The following PTK2 variants were observed in gnomAD, a reference collection of about 807,000 sequenced individuals.
PTK2 encodes the protein focal adhesion kinase 1.
A neutral mutation model predicts 150.1 loss-of-function variants in PTK2; 45 were observed. The ratio of observed to expected loss-of-function variants is 0.30; its 90% CI spans 0.24 to 0.38. The LOEUF (loss-of-function observed/expected upper bound fraction) is 0.38. Ranked by LOEUF, PTK2 falls within the 10% of genes least tolerant of loss-of-function variation. The pLI, the probability that PTK2 is intolerant of heterozygous loss-of-function variation, is 1.00. For missense variants in PTK2, 919 were observed against 1,307.3 expected (o/e 0.70, Z 4.58); for synonymous variants, 432 against 449.2 (o/e 0.96, Z 0.48).
At chr8:140,964,546 AATTTTT>A (rs2100184549) in intron 1 of PTK2, among the ~76,000 whole-genome samples, 1 of 122,950 alleles carries the variant, frequency 8.1e-6, no homozygotes, top group African/African-American at 3.2e-5. Context: ...AGCCCCAGGT[AATTTTT>A]TTTTTTTTTT....
chr8:140,832,868 T>C (rs764080295), intron 7 of PTK2: 1 of 518,768 alleles, frequency 1.9e-6, no homozygotes, highest in East Asian at 5.4e-5. Flanking sequence ...AGAAGGCAAC[T>C]GGCCATGTTT....
intron 5 of PTK2, among the ~76,000 whole-genome samples, chr8:140,848,041 T>G (rs1028965808): frequency 6.6e-6 from 1 of 152,200 alleles, no homozygotes; most frequent in Non-Finnish European, 1.5e-5. Context: ...CATGTTTAGA[T>G]GAGCAGCTGG....
intron 2 of PTK2, among the ~76,000 whole-genome samples, chr8:140,914,157 C>T (rs1418170324): frequency 6.6e-6 from 1 of 152,062 alleles, no homozygotes; most frequent in Non-Finnish European, 1.5e-5. Flanking sequence ...AAATCCAACT[C>T]TAAAATTATG....
chr8:140,805,041 G>A (rs980255497), intron 10 of PTK2, among the ~76,000 whole-genome samples: 9 of 152,062 alleles, frequency 5.9e-5, no homozygotes, highest in African/African-American at 2.2e-4. Context: ...TGCTGGGTGG[G>A]CCCTGTTATT....
chr8:140,742,448 T>C (rs1233417811), intron 20 of PTK2, among the ~76,000 whole-genome samples: 3 of 152,220 alleles, frequency 2.0e-5, no homozygotes, highest in East Asian at 1.9e-4. Context: ...TTTAAAGAAT[T>C]TGCCAAACTT....
At position 140,686,735 on chromosome 8, in the gene PTK2, A is replaced by G. The variant is rs41272409; in HGVS notation, c.2500-41T>C. 5.0e-3 allele frequency: 7,773 copies of G among 1,552,466 alleles called. 32 individuals carry two copies. Among genetic ancestry groups the G allele is most frequent in the Non-Finnish European group, 5.8e-3 (6,594 of 1,128,236 alleles). Reference sequence around the variant, plus strand: ...CAAAATCAAAACAATTTCATTTTTGATTTGAAAATTTTTGACAGATTCTGT... The same window carrying G: ...CAAAATCAAAACAATTTCATTTTTGGTTTGAAAATTTTTGACAGATTCTGT... On this transcript the variant is annotated intron_variant, in intron 26 of 31. Coordinates refer to ENST00000522684, the Ensembl canonical transcript of PTK2.
chr8:140,857,441 T>C (rs777224612), intron 5 of PTK2, among the ~76,000 whole-genome samples: 23 of 152,214 alleles, frequency 1.5e-4, no homozygotes, highest in Non-Finnish European at 2.8e-4. Context: ...GGAAAGGCAA[T>C]TAAGCATCAT....
intron 26 of PTK2, among the ~76,000 whole-genome samples, chr8:140,699,646 C>T (rs548022902): frequency 7.2e-5 from 11 of 151,978 alleles, no homozygotes; most frequent in South Asian, 2.1e-4. Flanking sequence ...ATAGTTTATA[C>T]GTAAGCTGAC....
intron 7 of PTK2, among the ~76,000 whole-genome samples, chr8:140,844,914 A>G (rs1241483549): frequency 6.6e-6 from 1 of 152,176 alleles, no homozygotes; most frequent in African/African-American, 2.4e-5. Context: ...TTTCTCCTCA[A>G]GCACACTCCT....
chr8:140,816,354 A>AC (rs1191863828), intron 10 of PTK2, among the ~76,000 whole-genome samples: 4 of 152,356 alleles, frequency 2.6e-5, no homozygotes, highest in African/African-American at 7.2e-5. Flanking sequence ...TCAAAAAAAA[A>AC]GCACTTTCAC....
intron 2 of PTK2, among the ~76,000 whole-genome samples, chr8:140,920,297 T>C (rs2154608258): frequency 6.6e-6 from 1 of 152,276 alleles, no homozygotes; most frequent in East Asian, 1.9e-4. Context: ...TTTACATTTT[T>C]ATGTGAACAA....
intron 1 of PTK2, among the ~76,000 whole-genome samples, chr8:140,992,417 CTGAGAAAG>C (rs1168764752): frequency 6.6e-6 from 1 of 152,070 alleles, no homozygotes; most frequent in Non-Finnish European, 1.5e-5. Context: ...TTGCAGTGAG[CTGAGAAAG>C]TGCCACTGCA....
Position 140,895,703 on chromosome 8 carries a change from G to T in PTK2, c.-32-4934C>A, listed in dbSNP as rs187926170. Among the ~76,000 whole-genome samples, 6 of 152,108 alleles carry T rather than the reference G, an allele frequency of 3.9e-5. No individual in the cohort carries two copies. In the East Asian group the frequency reaches 1.2e-3, roughly 29 times the overall value. ...GTCAATAAAAATGTACATTTAAAAA[G>T]AACTAAGAGTATAATTAGAATGTTT... On this transcript the variant is annotated intron_variant, in intron 2 of 31. Transcript: ENST00000522684.
At chr8:140,856,752 A>T (rs1024038322) in intron 5 of PTK2, among the ~76,000 whole-genome samples, 1 of 152,166 alleles carries the variant, frequency 6.6e-6, no homozygotes, top group Non-Finnish European at 1.5e-5. Context: ...TGTATACTTA[A>T]TATTTATATA....
rs538698011 is a variant in PTK2 at position 140,749,391 on chromosome 8, T to C, written c.1418-2531A>G. On this transcript the variant is annotated intron_variant, in intron 17 of 31. Transcript: ENST00000522684. The stretch of plus-strand genomic sequence containing the variant: ...ACATATAATTATCAAGCCTTTCATA[T>C]TTCCTCAGAAGTAATTATTAGAAAC... Among the ~76,000 whole-genome samples, 24 of 152,348 alleles carry C rather than the reference T, an allele frequency of 1.6e-4. No individual in the cohort carries two copies. In the East Asian group the frequency reaches 4.6e-3, roughly 29 times the overall value.
chr8:140,883,147 A>G (rs1195647367), intron 3 of PTK2, among the ~76,000 whole-genome samples: 2 of 152,182 alleles, frequency 1.3e-5, no homozygotes, highest in African/African-American at 2.4e-5. Flanking sequence ...CACTGTTCGA[A>G]ATAGGTCATG....
chr8:140,683,598 TC>T (rs1455535480), intron 27 of PTK2, among the ~76,000 whole-genome samples: 3 of 151,988 alleles, frequency 2.0e-5, no homozygotes, highest in African/African-American at 7.3e-5. Flanking sequence ...ACAAAATTCC[TC>T]AACATAATAC....
intron 2 of PTK2, among the ~76,000 whole-genome samples, chr8:140,900,652 G>A (rs2100158090): frequency 6.6e-6 from 1 of 151,988 alleles, no homozygotes; most frequent in African/African-American, 2.4e-5. Flanking sequence ...AACCCGGGAG[G>A]TGGGGGATGC....
rs887872506 is a variant in PTK2, at chr8:140,761,081, A to C, written c.1332+84T>G. 5 of 864,240 alleles carry C rather than the reference A, an allele frequency of 5.8e-6. No homozygotes were observed. The African/African-American group carries it at 8.4e-5, about 15-fold the overall frequency. The allele number at this position is 864,240 out of a possible 1,614,324, so 53.5% of individuals were successfully genotyped here. A position where few individuals can be genotyped will look rare whatever the true frequency, so the allele number is the denominator to read the frequency against. ...GTAAATATTAATACCTAGAAGAACT[A>C]AGGACTCATGAAGACAAACAAAAGC... is the stretch of plus-strand genomic sequence containing the variant. On this transcript the variant is annotated intron_variant, in intron 16 of 31. Coordinates refer to ENST00000522684, the Ensembl canonical transcript of PTK2.
Sources: allele counts gnomAD v4.1 joint callset (sites outside exome capture counted in the v4.1 genomes callset), GRCh38; gene constraint gnomAD v4.1.1; transcripts MANE v1.5; gene names NCBI Gene and HGNC (gene_info 2026-07-23, HGNC 2026-07-21).